The following PPIP5K1 variants were observed in gnomAD, a reference collection of about 807,000 sequenced individuals.
The protein encoded by PPIP5K1 is diphosphoinositol pentakisphosphate kinase 1, also known as inositol hexakisphosphate and diphosphoinositol-pentakisphosphate kinase 1.
A neutral mutation model predicts 27.7 loss-of-function variants in PPIP5K1; 6 were observed. The ratio of observed to expected loss-of-function variants is 0.22; its 90% CI spans 0.12 to 0.43. The LOEUF is 0.43. Among genes scored for constraint, PPIP5K1 ranks in the 20% least tolerant of loss-of-function variants. The pLI is 1.00. For missense variants in PPIP5K1, 394 were observed against 635.4 expected (o/e 0.62, Z 4.08); for synonymous variants, 145 against 242.6 (o/e 0.60, Z 3.74).
intron 30 of PPIP5K1, among the ~76,000 whole-genome samples, chr15:43,545,655 C>T (rs2081284276): frequency 6.6e-6 from 1 of 151,532 alleles, no homozygotes; most frequent in African/African-American, 2.4e-5. Flanking sequence ...ATTTGTCAAT[C>T]TTTTTTTTGC....
chr15:43,549,043 AAAAAAAAAAAAAAATAT>A (rs2081798461), intron 30 of PPIP5K1, among the ~76,000 whole-genome samples: 1 of 96,980 alleles, frequency 1.0e-5, no homozygotes, highest in African/African-American at 5.9e-5. Context: ...AAAAAAAAAA[AAAAAAAAAAAAAAATAT>A]ATATATATAT....
chr15:43,557,519 C>G (rs1332817534), intron 30 of PPIP5K1, among the ~76,000 whole-genome samples: 2 of 152,088 alleles, frequency 1.3e-5, no homozygotes, highest in Non-Finnish European at 2.9e-5. Flanking sequence ...CGTTTGAGCC[C>G]AGGAGTTCTG....
Position 43,558,834 on chromosome 15 carries a change from A to C in PPIP5K1, c.3517T>G (p.Cys1173Gly). The stretch of plus-strand genomic sequence containing the variant: ...GCCTGGGCATCAGTGTGGCGCTGGC[A>C]GACTCTACTCAAGAATTCACTCACT... ...RQVSEFLSRV[C>G]QRHTDAQAQA... is the part of the protein sequence containing the mutation. The change falls in exon 30 of 32, where the codon TGC becomes GGC. Residue 1173 changes from cysteine to glycine, a missense_variant. Physicochemically the swap from Cys to Gly is radical, Grantham distance 159. Transcript: ENST00000420765. 1 of 1,614,152 alleles carries C rather than the reference A, an allele frequency of 6.2e-7. No individual in the cohort carries two copies. Among genetic ancestry groups the C allele is most frequent in the Non-Finnish European group, 8.5e-7 (1 of 1,180,034 alleles).
intron 30 of PPIP5K1, among the ~76,000 whole-genome samples, chr15:43,548,899 G>T (rs1595776715): frequency 6.6e-6 from 1 of 150,636 alleles, no homozygotes; most frequent in Non-Finnish European, 1.5e-5. Context: ...ATGATGGCAA[G>T]CACCTGTAAT....
chr15:43,551,508 ACT>A (rs1388940698), intron 30 of PPIP5K1, among the ~76,000 whole-genome samples: 2 of 62,022 alleles, frequency 3.2e-5, no homozygotes, highest in Admixed American at 1.9e-4. Context: ...ACAGAGCAAG[ACT>A]CTGTCTCAAA....
Position 43,558,903 on chromosome 15 carries a change from T to C in PPIP5K1, c.3448A>G (p.Ile1150Val), listed in dbSNP as rs1169313829. 6.2e-7 allele frequency: 1 copy of C among 1,613,828 alleles called. No individual in the cohort carries two copies. Among genetic ancestry groups the C allele is most frequent in the East Asian group, 2.2e-5 (1 of 44,890 alleles). ...GFEGCSMVPT[I>V]YPLETLHNAL... ...TTATGCAGTGTTTCCAGAGGGTAGA[T>C]GGTAGGCACCATGGAACACCCTTCA... The change falls in exon 30 of 32, where the codon ATC (isoleucine) becomes GTC (valine). Residue 1150 changes from isoleucine to valine, a missense_variant. Ile to Val is a conservative substitution (Grantham distance 29). Coordinates refer to ENST00000420765, the MANE Select transcript of PPIP5K1 (RefSeq NM_001394395.1).
intron 31 of PPIP5K1, 30 bp downstream of exon 31, chr15:43,539,440 T>C (rs1297244318): frequency 6.8e-7 from 1 of 1,461,636 alleles, no homozygotes; most frequent in Non-Finnish European, 9.5e-7. Context: ...TCATGACTTT[T>C]GTCTAGGCAG....
intron 30 of PPIP5K1, among the ~76,000 whole-genome samples, chr15:43,555,670 G>A (rs1200611199): frequency 1.3e-5 from 2 of 151,224 alleles, no homozygotes; most frequent in African/African-American, 2.4e-5. Flanking sequence ...ACAGTGGCAC[G>A]ATCTCAGCTC....
intron 30 of PPIP5K1, among the ~76,000 whole-genome samples, chr15:43,556,893 T>C (rs1595851948): frequency 6.6e-6 from 1 of 152,206 alleles, no homozygotes; most frequent in Non-Finnish European, 1.5e-5. Context: ...AGGTTGCCTC[T>C]TTCTGGATTC....
rs1251229559 is a variant in PPIP5K1 at position 43,534,105 on chromosome 15, A to T, written c.*569T>A. On this transcript the variant is annotated 3_prime_UTR_variant, in exon 32 of 32. Coordinates refer to ENST00000420765, the MANE Select transcript of PPIP5K1 (RefSeq NM_001394395.1). ...CCTGAGGAGTGCTGGCAAAGACAAG[A>T]GTCCCCTGAATGCACATATGGTCTA... 1 of 152,604 alleles carries T rather than the reference A, an allele frequency of 6.6e-6. No individual in the cohort carries two copies. The allele number at this position is 152,604 out of a possible 1,614,324, so 9.5% of individuals were successfully genotyped here. A position where few individuals can be genotyped will look rare whatever the true frequency, so the allele number is the denominator to read the frequency against.
intron 30 of PPIP5K1, among the ~76,000 whole-genome samples, chr15:43,550,920 T>C (rs1313400102): frequency 6.6e-6 from 1 of 152,270 alleles, no homozygotes. Context: ...TTTTCTTGTA[T>C]TGAATCACTC....
intron 30 of PPIP5K1, among the ~76,000 whole-genome samples, chr15:43,542,400 T>G (rs995425718): frequency 1.3e-5 from 2 of 151,282 alleles, no homozygotes; most frequent in Non-Finnish European, 2.9e-5. Context: ...CAAGCGATCC[T>G]CCAACCTCAG....
intron 31 of PPIP5K1, among the ~76,000 whole-genome samples, chr15:43,538,351 C>T (rs2080189520): frequency 1.3e-5 from 2 of 152,216 alleles, no homozygotes; most frequent in South Asian, 2.1e-4. Flanking sequence ...TCTAACAACT[C>T]TGTGTGGCTC....
intron 30 of PPIP5K1, among the ~76,000 whole-genome samples, chr15:43,558,322 G>C (rs1215710615): frequency 6.6e-6 from 1 of 151,690 alleles, no homozygotes; most frequent in Non-Finnish European, 1.5e-5. Context: ...CTGCCTCCCA[G>C]GTTCAAGCGA....
intron 31 of PPIP5K1, among the ~76,000 whole-genome samples, chr15:43,538,763 C>T (rs546433528): frequency 6.6e-6 from 1 of 151,810 alleles, no homozygotes; most frequent in East Asian, 2.0e-4. Context: ...CTGCCCGCCT[C>T]GGCCTCCCAA....
chr15:43,557,961 C>T (rs1477328001), intron 30 of PPIP5K1, among the ~76,000 whole-genome samples: 3 of 151,620 alleles, frequency 2.0e-5, no homozygotes, highest in Non-Finnish European at 2.9e-5. Context: ...TGAGCCACTG[C>T]ACCCCACTCA....
chr15:43,551,633 C>T (rs1355015566), intron 30 of PPIP5K1, among the ~76,000 whole-genome samples: 2 of 54,860 alleles, frequency 3.6e-5, no homozygotes, highest in African/African-American at 4.5e-4. Flanking sequence ...GACGGAGTCT[C>T]GCTCTGTCGC....
chr15:43,557,095 G>T (rs968853008), intron 30 of PPIP5K1, among the ~76,000 whole-genome samples: 2 of 152,036 alleles, frequency 1.3e-5, no homozygotes, highest in Non-Finnish European at 2.9e-5. Flanking sequence ...ATACAGTGTG[G>T]GTTCAATTTC....
chr15:43,550,818 G>T (rs939553551), intron 30 of PPIP5K1, among the ~76,000 whole-genome samples: 6 of 152,166 alleles, frequency 3.9e-5, no homozygotes, highest in African/African-American at 1.4e-4. Flanking sequence ...TCATGAAAGG[G>T]TGTTGGATTT....
Sources: allele counts gnomAD v4.1 joint callset (sites outside exome capture counted in the v4.1 genomes callset), GRCh38; gene constraint gnomAD v4.1.1; transcripts MANE v1.5; gene names NCBI Gene and HGNC (gene_info 2026-07-23, HGNC 2026-07-21).